ZNF423: variants seen among roughly 807,000 people sequenced by gnomAD.
ZNF423 encodes zinc finger protein 423.
A neutral mutation model predicts 95.8 loss-of-function variants in ZNF423; 12 were observed. The observed-to-expected ratio is 0.13, with a 90% confidence interval of 0.08 to 0.20. The LOEUF is 0.20. ZNF423 is among the 10% of genes least tolerant of loss of function. The pLI is 1.00. For missense variants in ZNF423, 1,316 were observed against 1,737.1 expected (o/e 0.76, Z 4.31); for synonymous variants, 749 against 711.9 (o/e 1.05, Z -0.83).
At chr16:49,666,207 C>T (rs1006595051) in intron 3 of ZNF423, among the ~76,000 whole-genome samples, 7 of 152,210 alleles carry the variant, frequency 4.6e-5, no homozygotes, top group African/African-American at 1.7e-4. Context: ...ATTATCTAAA[C>T]ATGTGTGTAA....
chr16:49,843,271 C>T (rs746028185), intron 1 of ZNF423, among the ~76,000 whole-genome samples: 7 of 152,188 alleles, frequency 4.6e-5, no homozygotes, highest in Non-Finnish European at 7.3e-5. Context: ...TAAATGTTCA[C>T]CAATGGAAGA....
intron 5 of ZNF423, among the ~76,000 whole-genome samples, chr16:49,598,575 G>A (rs1971255986): frequency 6.6e-6 from 1 of 152,240 alleles, no homozygotes; most frequent in African/African-American, 2.4e-5. Context: ...CCAGCTGGCT[G>A]GTGAGCACGC....
At chr16:49,737,673 C>A (rs1023945174) in intron 2 of ZNF423, among the ~76,000 whole-genome samples, 3 of 152,156 alleles carry the variant, frequency 2.0e-5, no homozygotes, top group Non-Finnish European at 4.4e-5. Flanking sequence ...GGGGAGAGGC[C>A]CCAGGGGACC....
intron 7 of ZNF423, among the ~76,000 whole-genome samples, chr16:49,513,957 T>C (rs1303138538): frequency 6.6e-6 from 1 of 152,024 alleles, no homozygotes; most frequent in South Asian, 2.1e-4. Context: ...GGGTAGGCGA[T>C]GCGAGGCCAG....
At chr16:49,554,845 C>T (rs12932512) in intron 5 of ZNF423, among the ~76,000 whole-genome samples, 67 of 152,170 alleles carry the variant, frequency 4.4e-4, no homozygotes, top group Non-Finnish European at 8.1e-4. Context: ...AAATCTTACA[C>T]GAGACCTTCA....
At chr16:49,534,411 A>T (rs1452852086) in intron 5 of ZNF423, among the ~76,000 whole-genome samples, 1 of 152,034 alleles carries the variant, frequency 6.6e-6, no homozygotes, top group African/African-American at 2.4e-5. Context: ...ACACCACCAC[A>T]CACAGCTAAT....
At chr16:49,815,861 CCAAA>C (rs201407125) in intron 1 of ZNF423, among the ~76,000 whole-genome samples, 2,563 of 43,310 alleles carry the variant, frequency 0.059, 66 homozygotes, top group East Asian at 0.095. Context: ...CATTCTAATT[CCAAA>C]CAAACAAAAA....
chr16:49,514,134 G>A (rs1374136444), intron 7 of ZNF423, among the ~76,000 whole-genome samples: 1 of 151,090 alleles, frequency 6.6e-6, no homozygotes, highest in Non-Finnish European at 1.5e-5. Flanking sequence ...CCCCACACTG[G>A]CTCTGCAACC....
At chr16:49,793,763 G>A (rs764273497) in intron 1 of ZNF423, among the ~76,000 whole-genome samples, 9 of 152,124 alleles carry the variant, frequency 5.9e-5, no homozygotes, top group African/African-American at 1.9e-4. Flanking sequence ...GACACAGAGC[G>A]GAGGCATGAG....
intron 5 of ZNF423, among the ~76,000 whole-genome samples, chr16:49,582,007 C>T (rs1006466130): frequency 4.6e-5 from 7 of 152,336 alleles, no homozygotes; most frequent in East Asian, 1.9e-4. Context: ...TTGGTTGCCA[C>T]GCTGGGAAAC....
Position 49,727,826 on chromosome 16 carries a change from C to T in ZNF423, c.301+2945G>A, listed in dbSNP as rs140500300. On this transcript the variant is annotated intron_variant, in intron 3 of 7. Transcript: ENST00000563137. ...AGGGCACCATGGTCTGCCCAGCCTG[C>T]GCCCAGCGCGGCCCTCTCGGACACG... Among the ~76,000 whole-genome samples the T allele has an allele frequency of 9.8e-3, 1,497 of 152,338 alleles. 21 individuals are homozygous for T. The highest frequency in any genetic ancestry group is 0.034 in the African/African-American group (1,409 of 41,570).
rs1490101630 is a variant in ZNF423, at chr16:49,502,447, C to G, written c.3850-11143G>C. ...CTGGCAAACCTGGGAGACCAAGGAGCATGTAAGGAGACCAGAAACTCCCAC... is the reference window on the plus strand; with the variant it reads ...CTGGCAAACCTGGGAGACCAAGGAGGATGTAAGGAGACCAGAAACTCCCAC... On this transcript the variant is annotated intron_variant, in intron 7 of 7. Coordinates refer to ENST00000563137, the MANE Select transcript of ZNF423 (RefSeq NM_001379286.1). Among the ~76,000 whole-genome samples the G allele has an allele frequency of 2.6e-5, 4 of 151,822 alleles. No homozygotes were observed. The East Asian group carries it at 7.8e-4, about 30-fold the overall frequency.
chr16:49,680,446 A>G (rs2031302065), intron 3 of ZNF423, among the ~76,000 whole-genome samples: 1 of 152,020 alleles, frequency 6.6e-6, no homozygotes, highest in Non-Finnish European at 1.5e-5. Flanking sequence ...ACGGAAAAAC[A>G]CTCCCTGCTT....
chr16:49,625,719 C>T (rs1255271614), intron 5 of ZNF423, among the ~76,000 whole-genome samples: 1 of 152,184 alleles, frequency 6.6e-6, no homozygotes. Context: ...TTTCCAAAGT[C>T]CAAAACCACT....
intron 6 of ZNF423, 59 bp downstream of exon 6, chr16:49,525,304 C>A: frequency 3.1e-6 from 5 of 1,595,788 alleles, no homozygotes; most frequent in Non-Finnish European, 4.3e-6. Flanking sequence ...CCCGCAATAA[C>A]AGGGCAGGGC....
intron 1 of ZNF423, among the ~76,000 whole-genome samples, chr16:49,836,108 G>C (rs981040486): frequency 2.6e-5 from 4 of 152,118 alleles, no homozygotes; most frequent in Non-Finnish European, 4.4e-5. Flanking sequence ...GTAGAAAGGA[G>C]GACCCCCCCA....
intron 5 of ZNF423, among the ~76,000 whole-genome samples, chr16:49,530,695 C>T (rs534788090): frequency 3.3e-5 from 5 of 152,286 alleles, no homozygotes; most frequent in Non-Finnish European, 5.9e-5. Context: ...ACCTCAACTC[C>T]AGTAACGCTT....
upstream of ZNF423, among the ~76,000 whole-genome samples, chr16:49,856,966 G>A (rs1597068906): frequency 6.8e-6 from 1 of 148,148 alleles, no homozygotes; most frequent in Non-Finnish European, 1.5e-5. Context: ...CAGCGGCGGC[G>A]GCGGCTGCGC....
At position 49,637,651 on chromosome 16, in the gene ZNF423, C is replaced by A; in HGVS notation, c.1525G>T (p.Val509Phe). The A allele has an allele frequency of 6.2e-7, 1 of 1,614,038 alleles. No individual in the cohort carries two copies. Among genetic ancestry groups the A allele is most frequent in the Non-Finnish European group, 8.5e-7 (1 of 1,180,034 alleles). Residue 509 changes from valine (V) to phenylalanine (F), a missense_variant, in exon 4 of 8, where the codon GTC becomes TTC. Coordinates refer to ENST00000563137, the MANE Select transcript of ZNF423 (RefSeq NM_001379286.1). This position sits in a 1 kb window ranked among gnomAD's most constrained non-coding sequence, Gnocchi z 5.6. ...TTGGCGTTGGGGCCGCAGTGGGAGA[C>A]GCGGATGTGCTCCTGCAGGCTATTG... ...DINSLQEHIRVSHCGPNANPS... is the reference protein window; with the variant it reads ...DINSLQEHIRFSHCGPNANPS...
Sources: allele counts gnomAD v4.1 joint callset (sites outside exome capture counted in the v4.1 genomes callset), GRCh38; gene constraint gnomAD v4.1.1; non-coding constraint Gnocchi (gnomAD v3.1); transcripts MANE v1.5; gene names NCBI Gene and HGNC (gene_info 2026-07-23, HGNC 2026-07-21).